ADAD1: variants seen among roughly 807,000 people sequenced by gnomAD.
The protein encoded by ADAD1 is adenosine deaminase domain-containing protein 1.
In ADAD1, 46 loss-of-function variants were observed where a neutral mutation model predicts 66.8. The observed-to-expected ratio is 0.69, with a 90% CI of 0.54 to 0.88. The LOEUF (loss-of-function observed/expected upper bound fraction) is 0.88. ADAD1 is among the 40% of genes least tolerant of loss of function. ADAD1 has a pLI of 0.00. For synonymous variants in ADAD1, 248 were observed against 229.4 expected (o/e 1.08, Z -0.73); for missense variants, 617 against 681.8 (o/e 0.91, Z 1.06).
chr4:122,380,161 A>C lies in ADAD1; in HGVS notation c.92A>C (p.Lys31Thr). ...KKNLPVQPAT[K>T]TITTPTGWSS... is the part of the protein sequence containing the mutation. ...AACCTGCCAGTTCAACCAGCGACAA[A>C]GACGATAACTACACCCACAGGATGG... is the stretch of plus-strand genomic sequence containing the variant. Residue 31 changes from lysine to threonine, a missense_variant, in exon 3 of 13, where the codon AAG becomes ACG. Coordinates refer to ENST00000296513, the MANE Select transcript of ADAD1 (RefSeq NM_139243.4). 1 of 1,614,162 alleles carries C rather than the reference A, an allele frequency of 6.2e-7. No homozygotes were observed. Among genetic ancestry groups the C allele is most frequent in the South Asian group, 1.1e-5 (1 of 91,082 alleles).
chr4:122,429,574 A>C, intron 12 of ADAD1, 52 bp from the exon 13 acceptor site: 1 of 1,196,606 alleles, frequency 8.4e-7, no homozygotes, highest in Non-Finnish European at 1.2e-6. Flanking sequence ...GCTACTTTTC[A>C]GCAATCAAAT....
chr4:122,411,287 T>A lies in ADAD1; in HGVS notation c.914T>A (p.Phe305Tyr). The change falls in exon 9 of 13, where the codon TTT becomes TAT. Residue 305 changes from phenylalanine (F) to tyrosine (Y), a missense_variant. Coordinates refer to ENST00000296513, the MANE Select transcript of ADAD1 (RefSeq NM_139243.4). The part of the protein sequence containing the change: ...KNPAMMEKSI[F>Y]CTEPTSNLLT... ...CCTGCTATGATGGAAAAATCAATATTTTGTACAGAACCAACTTCTAATCTA... is the reference window on the plus strand; with the variant it reads ...CCTGCTATGATGGAAAAATCAATATATTGTACAGAACCAACTTCTAATCTA... 6.2e-7 allele frequency: 1 copy of A among 1,612,542 alleles called. No individual in the cohort carries two copies. The highest frequency in any genetic ancestry group is 8.5e-7 in the Non-Finnish European group (1 of 1,179,496).
chr4:122,423,465 C>T (rs1246770593), intron 12 of ADAD1, among the ~76,000 whole-genome samples: 1 of 152,186 alleles, frequency 6.6e-6, no homozygotes, highest in African/African-American at 2.4e-5. Flanking sequence ...CCAAGGGATA[C>T]TTGAGAGCTG....
At chr4:122,407,695 C>T (rs1327933788) in intron 7 of ADAD1, among the ~76,000 whole-genome samples, 1 of 152,068 alleles carries the variant, frequency 6.6e-6, no homozygotes, top group Admixed American at 6.5e-5. Flanking sequence ...AAAACATCTG[C>T]CTTTTTCATT....
At chr4:122,380,506 A>C (rs1475501075) in intron 3 of ADAD1, 2 of 443,914 alleles carry the variant, frequency 4.5e-6, no homozygotes, top group Non-Finnish European at 8.0e-6. Context: ...GGTGAGGCGC[A>C]AGGGAAGATA....
In ADAD1 at chr4:122,415,471, T is replaced by G; in HGVS notation, c.1342T>G (p.Leu448Val). The G allele has an allele frequency of 1.2e-6, 2 of 1,613,982 alleles. No individual in the cohort carries two copies. Among genetic ancestry groups the G allele is most frequent in the Non-Finnish European group, 1.7e-6 (2 of 1,179,880 alleles). ...CACTTCAAAACTTCCAATGTTTTAC[T>G]TAGTCAACAGACCTCATATTAGTTT... ...ALTSKLPMFY[L>V]VNRPHISLVP... The change falls in exon 11 of 13, where the codon TTA (leucine) becomes GTA (valine). Residue 448 changes from leucine (L) to valine (V), a missense_variant. Transcript: ENST00000296513.
chr4:122,385,071 CTATT>C lies in ADAD1; in HGVS notation c.529+1107_529+1110del, dbSNP rs1350619815. Among the ~76,000 whole-genome samples the C allele has an allele frequency of 4.6e-5, 7 of 152,050 alleles. No individual in the cohort carries two copies. In the East Asian group the frequency reaches 5.8e-4, roughly 13 times the overall value. ...ACTGTAGACAGCTGAGTTTAAATAT[CTATT>C]TGTGTTATGAAAGGATGTAGAAGAT... On this transcript the variant is annotated intron_variant, in intron 5 of 12. Coordinates refer to ENST00000296513, the MANE Select transcript of ADAD1 (RefSeq NM_139243.4).
chr4:122,389,832 T>C (rs1157202971), intron 5 of ADAD1, among the ~76,000 whole-genome samples: 1 of 152,178 alleles, frequency 6.6e-6, no homozygotes, highest in Non-Finnish European at 1.5e-5. Flanking sequence ...TGTGCTTTAA[T>C]TGGGGCATTT....
intron 11 of ADAD1, among the ~76,000 whole-genome samples, chr4:122,418,797 A>T (rs913616086): frequency 6.6e-6 from 1 of 152,158 alleles, no homozygotes; most frequent in African/African-American, 2.4e-5. Context: ...CTTAAATCTG[A>T]TTTTTTAAAA....
chr4:122,406,920 C>T (rs529978826), intron 7 of ADAD1, among the ~76,000 whole-genome samples: 24 of 152,248 alleles, frequency 1.6e-4, no homozygotes, highest in African/African-American at 5.1e-4. Flanking sequence ...CTTCAAAGCA[C>T]TTATCACACT....
At position 122,397,664 on chromosome 4, in the gene ADAD1, A is replaced by G. The variant is rs370103110; in HGVS notation, c.724+1287A>G. Among the ~76,000 whole-genome samples the G allele has an allele frequency of 5.3e-4, 81 of 152,304 alleles. 3 individuals are homozygous for G. In the South Asian group the frequency reaches 0.016, roughly 30 times the overall value. On this transcript the variant is annotated intron_variant, in intron 7 of 12. Coordinates refer to ENST00000296513, the MANE Select transcript of ADAD1 (RefSeq NM_139243.4). ...AGTGCCTACATTAGAGTTGAGGTGG[A>G]CATAAATGGGAAGGGAAAAATACAT... is the stretch of plus-strand genomic sequence containing the variant.
At chr4:122,428,076 G>A (rs1441322611) in intron 12 of ADAD1, among the ~76,000 whole-genome samples, 1 of 115,468 alleles carries the variant, frequency 8.7e-6, no homozygotes, top group East Asian at 2.3e-4. Flanking sequence ...ATATGTGTGG[G>A]TAAAACAATT....
chr4:122,422,121 CTTTT>C lies in ADAD1; in HGVS notation c.1617+749_1617+752del, dbSNP rs10713074. Among the ~76,000 whole-genome samples the C allele has an allele frequency of 7.5e-3, 858 of 113,828 alleles. 2 individuals are homozygous for C. Among genetic ancestry groups the C allele is most frequent in the South Asian group, 0.028 (109 of 3,958 alleles). 74.7% of individuals were successfully genotyped at this position (113,828 alleles called of 152,430 possible). A position where few individuals can be genotyped will look rare whatever the true frequency, so the allele number is the denominator to read the frequency against. ...TTCTATGTGATATGACATGAACATC[CTTTT>C]TTTTTTTTTTTTTTTTTGAGATGGA... is the stretch of plus-strand genomic sequence containing the variant. On this transcript the variant is annotated intron_variant, in intron 12 of 12. Coordinates refer to ENST00000296513, the MANE Select transcript of ADAD1 (RefSeq NM_139243.4).
intron 12 of ADAD1, among the ~76,000 whole-genome samples, chr4:122,422,986 G>T (rs1337247151): frequency 1.4e-5 from 2 of 142,080 alleles, no homozygotes; most frequent in East Asian, 2.1e-4. Context: ...AAAAGAAGAA[G>T]AAGAAGAAGA....
At chr4:122,408,721 C>A (rs894102986) in intron 8 of ADAD1, among the ~76,000 whole-genome samples, 2 of 151,664 alleles carry the variant, frequency 1.3e-5, no homozygotes, top group Non-Finnish European at 2.9e-5. Flanking sequence ...CTAGTTTCTA[C>A]AAAAAAATAA....
chr4:122,429,041 C>T (rs539583993), intron 12 of ADAD1, among the ~76,000 whole-genome samples: 6 of 151,722 alleles, frequency 4.0e-5, no homozygotes, highest in Admixed American at 3.3e-4. Context: ...TTGTGATTAC[C>T]GATAATTTTT....
At chr4:122,390,041 AG>A (rs1469555159) in intron 5 of ADAD1, among the ~76,000 whole-genome samples, 4 of 152,166 alleles carry the variant, frequency 2.6e-5, no homozygotes, top group Admixed American at 2.0e-4. Flanking sequence ...GAGTTCTTGC[AG>A]GGCACATCTG....
intron 11 of ADAD1, among the ~76,000 whole-genome samples, chr4:122,419,588 C>CA (rs1429074281): frequency 1.2e-4 from 19 of 152,142 alleles, no homozygotes; most frequent in African/African-American, 3.9e-4. Flanking sequence ...AGACCAAACT[C>CA]ACCTATATCC....
intron 7 of ADAD1, among the ~76,000 whole-genome samples, chr4:122,398,521 T>A (rs1795822027): frequency 2.0e-5 from 3 of 152,198 alleles, no homozygotes; most frequent in Admixed American, 2.0e-4. Context: ...CAAATGATAA[T>A]TCTACCTTTA....
Sources: gnomAD v4.1 joint callset for allele counts (sites outside exome capture counted in the v4.1 genomes callset) on GRCh38, gnomAD v4.1.1 for gene constraint, MANE v1.5 for transcripts, NCBI Gene and HGNC (gene_info 2026-07-23, HGNC 2026-07-21) for gene names.